The following SLC49A4 variants were observed in gnomAD, a reference collection of about 807,000 sequenced individuals.
SLC49A4 encodes disrupted in renal cancer protein 2.
In SLC49A4, 36 loss-of-function variants were observed where a neutral mutation model predicts 50.6. The ratio of observed to expected loss-of-function variants is 0.71; its 90% CI spans 0.55 to 0.94. The LOEUF is 0.94. Ranked by LOEUF, SLC49A4 falls within the 40% of genes least tolerant of loss-of-function variation. The pLI is 0.00. For missense variants in SLC49A4, 503 were observed against 605.7 expected (o/e 0.83, Z 1.78); for synonymous variants, 248 against 241.2 (o/e 1.03, Z -0.26).
chr3:122,855,074 C>T (rs990983203), intron 5 of SLC49A4, among the ~76,000 whole-genome samples: 4 of 148,692 alleles, frequency 2.7e-5, no homozygotes, highest in Admixed American at 2.0e-4. Flanking sequence ...GCCTGGGCGA[C>T]AGAGCAAGAC....
chr3:122,849,493 T>G (rs1169425556), intron 5 of SLC49A4, among the ~76,000 whole-genome samples: 1 of 152,210 alleles, frequency 6.6e-6, no homozygotes, highest in African/African-American at 2.4e-5. Flanking sequence ...CATTTGTTAC[T>G]TTTTGTCTTT....
At position 122,833,462 on chromosome 3, in the gene SLC49A4, G is replaced by C; in HGVS notation, c.833+16G>C. On this transcript the variant is annotated intron_variant, in intron 4 of 8. Coordinates refer to ENST00000261038, the MANE Select transcript of SLC49A4 (RefSeq NM_032839.3). ...GATTATTAAGGTAAATATACTGAGA[G>C]TCACTGGATGGCTTTGACTGACACC... 1 of 1,606,284 alleles carries C rather than the reference G, an allele frequency of 6.2e-7. No homozygotes were observed. Among genetic ancestry groups the C allele is most frequent in the East Asian group, 2.2e-5 (1 of 44,748 alleles).
chr3:122,796,879 C>T (rs888283154), intron 1 of SLC49A4, among the ~76,000 whole-genome samples: 1 of 152,076 alleles, frequency 6.6e-6, no homozygotes, highest in Non-Finnish European at 1.5e-5. Flanking sequence ...CAAGACTCGT[C>T]TCAGAAAAAT....
At chr3:122,808,991 G>A (rs1936261600) in intron 2 of SLC49A4, among the ~76,000 whole-genome samples, 1 of 152,134 alleles carries the variant, frequency 6.6e-6, no homozygotes, top group South Asian at 2.1e-4. Context: ...GGGGAAGTGT[G>A]AGAAAAAGAG....
At chr3:122,826,659 C>T in intron 2 of SLC49A4, 141 bp from the exon 3 acceptor site, 1 of 792,432 alleles carries the variant, frequency 1.3e-6, no homozygotes, top group African/African-American at 1.7e-5. Context: ...GGTAAATCAA[C>T]ATGTCTTTTA....
At chr3:122,835,484 A>G (rs938042455) in intron 4 of SLC49A4, among the ~76,000 whole-genome samples, 9 of 152,194 alleles carry the variant, frequency 5.9e-5, no homozygotes, top group African/African-American at 1.9e-4. Context: ...AATGTGATAT[A>G]TGACATAAAC....
At chr3:122,861,948 G>A (rs917548862) in intron 7 of SLC49A4, among the ~76,000 whole-genome samples, 3 of 152,112 alleles carry the variant, frequency 2.0e-5, no homozygotes, top group African/African-American at 4.8e-5. Flanking sequence ...CGATGACATC[G>A]TATCTTTGCA....
chr3:122,859,284 T>C (rs928538931), intron 6 of SLC49A4, among the ~76,000 whole-genome samples: 6 of 152,068 alleles, frequency 3.9e-5, no homozygotes, highest in African/African-American at 1.5e-4. Context: ...TAAGCAACCA[T>C]GGCATGTATG....
In SLC49A4 at chr3:122,833,456, C is replaced by T. The variant is rs900945320; in HGVS notation, c.833+10C>T. On this transcript the variant is annotated intron_variant, in intron 4 of 8. Transcript: ENST00000261038. ...TTTGTAGATTATTAAGGTAAATATA[C>T]TGAGAGTCACTGGATGGCTTTGACT... 6.2e-7 allele frequency: 1 copy of T among 1,605,916 alleles called. No homozygotes were observed. The highest frequency in any genetic ancestry group is 1.3e-5 in the African/African-American group (1 of 74,768).
At chr3:122,864,783 G>A (rs569071778) in intron 7 of SLC49A4, among the ~76,000 whole-genome samples, 2 of 152,326 alleles carry the variant, frequency 1.3e-5, no homozygotes, top group East Asian at 3.9e-4. Context: ...GGAGGCCAAG[G>A]CAATAGGATC....
At chr3:122,803,866 A>G (rs1002760701) in intron 1 of SLC49A4, among the ~76,000 whole-genome samples, 2 of 152,224 alleles carry the variant, frequency 1.3e-5, no homozygotes, top group African/African-American at 4.8e-5. Context: ...CATGTTTGAA[A>G]AGAAATATTT....
At chr3:122,827,283 C>T (rs1244014991) in intron 3 of SLC49A4, among the ~76,000 whole-genome samples, 2 of 152,216 alleles carry the variant, frequency 1.3e-5, no homozygotes, top group Non-Finnish European at 2.9e-5. Context: ...ATTATTGCCA[C>T]ATGGAGGGGT....
chr3:122,875,313 T>C (rs1298716088), intron 8 of SLC49A4, among the ~76,000 whole-genome samples: 1 of 152,184 alleles, frequency 6.6e-6, no homozygotes, highest in Non-Finnish European at 1.5e-5. Flanking sequence ...TAATTATATG[T>C]CAAAATTCAA....
chr3:122,843,594 A>G (rs74383722), intron 4 of SLC49A4, among the ~76,000 whole-genome samples: 2,407 of 152,298 alleles, frequency 0.016, 65 homozygotes, highest in African/African-American at 0.055. Context: ...CACACATTGC[A>G]ATTGGTCCAA....
chr3:122,841,471 T>C (rs764723350), intron 4 of SLC49A4, among the ~76,000 whole-genome samples: 45 of 152,250 alleles, frequency 3.0e-4, no homozygotes, highest in Admixed American at 7.8e-4. Flanking sequence ...AGACAACACA[T>C]GCCCCAGCAT....
At chr3:122,860,488 A>G (rs1440469245) in intron 7 of SLC49A4, among the ~76,000 whole-genome samples, 1 of 152,262 alleles carries the variant, frequency 6.6e-6, no homozygotes, top group Non-Finnish European at 1.5e-5. Context: ...AGAGCATAAT[A>G]CAAAGATTTT....
intron 6 of SLC49A4, among the ~76,000 whole-genome samples, chr3:122,859,330 TAGA>T (rs1052968902): frequency 2.6e-5 from 4 of 152,046 alleles, no homozygotes; most frequent in African/African-American, 9.7e-5. Flanking sequence ...TGGAGAACAG[TAGA>T]AGAAGAGAGA....
chr3:122,857,864 A>G (rs988433534), intron 6 of SLC49A4, among the ~76,000 whole-genome samples: 1 of 152,126 alleles, frequency 6.6e-6, no homozygotes, highest in Non-Finnish European at 1.5e-5. Flanking sequence ...GATGTCTCAA[A>G]TGCTCCTTTG....
At chr3:122,844,536 C>G (rs1445346267) in intron 4 of SLC49A4, among the ~76,000 whole-genome samples, 1 of 152,148 alleles carries the variant, frequency 6.6e-6, no homozygotes, top group East Asian at 1.9e-4. Context: ...AATCCCAGCA[C>G]TTTGGGAGGC....
Sources: gnomAD v4.1 joint callset for allele counts (sites outside exome capture counted in the v4.1 genomes callset) on GRCh38, gnomAD v4.1.1 for gene constraint, MANE v1.5 for transcripts, NCBI Gene and HGNC (gene_info 2026-07-23, HGNC 2026-07-21) for gene names.